Variants in SOX5 observed in about 807,000 individuals in gnomAD.
The protein encoded by SOX5 is SRY-box transcription factor 5, also known as transcription factor SOX-5.
SOX5 carries 9 observed loss-of-function variants against 92.0 expected under a neutral mutation model. The observed-to-expected ratio is 0.10, with a 90% CI of 0.06 to 0.17. The LOEUF is 0.17. Among genes scored for constraint, SOX5 ranks in the 10% least tolerant of loss-of-function variants. The pLI is 1.00. For synonymous variants in SOX5, 344 were observed against 336.3 expected (o/e 1.02, Z -0.25); for missense variants, 642 against 944.5 (o/e 0.68, Z 4.20).
chr12:24,352,368 CTCTT>C, intron 2 of SOX5, among the ~76,000 whole-genome samples: 1 of 152,098 alleles, frequency 6.6e-6, no homozygotes, highest in East Asian at 1.9e-4. Context: ...CCTCAAATGG[CTCTT>C]TCTAAAAAAA....
At chr12:23,600,303 T>C (rs1443681473) in intron 9 of SOX5, among the ~76,000 whole-genome samples, 3 of 151,864 alleles carry the variant, frequency 2.0e-5, no homozygotes, top group Non-Finnish European at 4.4e-5. Context: ...TAGAATAATA[T>C]CTGCGAAGAG....
At chr12:24,504,626 A>G (rs1381290743) in intron 1 of SOX5, among the ~76,000 whole-genome samples, 5 of 152,242 alleles carry the variant, frequency 3.3e-5, no homozygotes, top group Admixed American at 1.3e-4. Flanking sequence ...AAGTGCAAAA[A>G]TAGTAGAGAA....
At chr12:23,555,278 C>G (rs888361207) in intron 11 of SOX5, among the ~76,000 whole-genome samples, 1 of 151,990 alleles carries the variant, frequency 6.6e-6, no homozygotes, top group African/African-American at 2.4e-5. Flanking sequence ...CCTCGAATCC[C>G]TAAACAAATA....
rs371715383 is a variant in SOX5 at position 24,285,806 on chromosome 12, T to C, written c.-173-8494A>G. ...TCTTACAAAATTACATTTTGAAAAA[T>C]TATGGGATGATGAATCAAACATATA... On this transcript the variant is annotated intron_variant, in intron 2 of 4. Transcript: ENST00000446891. 7.2e-5 allele frequency among the ~76,000 whole-genome samples: 11 copies of C among 152,236 alleles called. No individual in the cohort carries two copies. The East Asian group carries it at 1.9e-3, about 27-fold the overall frequency.
chr12:24,455,491 C>G (rs1486326193), intron 1 of SOX5, among the ~76,000 whole-genome samples: 1 of 152,168 alleles, frequency 6.6e-6, no homozygotes, highest in Non-Finnish European at 1.5e-5. Flanking sequence ...TTAGAAACAG[C>G]ATAAAAAGTC....
chr12:23,575,870 A>G, intron 9 of SOX5, 32 bp from the exon 10 acceptor site: 1 of 1,492,410 alleles, frequency 6.7e-7, no homozygotes, highest in Non-Finnish European at 8.9e-7. Flanking sequence ...GAGCTGTGAT[A>G]AGGAAAGGCT....
At chr12:24,056,467 T>C (rs1218179640) in intron 4 of SOX5, among the ~76,000 whole-genome samples, 2 of 152,222 alleles carry the variant, frequency 1.3e-5, no homozygotes, top group African/African-American at 4.8e-5. Flanking sequence ...AAAATTAATA[T>C]TGGATTTTTA....
At chr12:24,093,905 T>C (rs1593092471) in intron 4 of SOX5, among the ~76,000 whole-genome samples, 1 of 152,136 alleles carries the variant, frequency 6.6e-6, no homozygotes, top group African/African-American at 2.4e-5. Context: ...CAGGCATTCA[T>C]TTTAGGCAAT....
intron 4 of SOX5, among the ~76,000 whole-genome samples, chr12:24,140,070 C>A (rs566477607): frequency 6.6e-6 from 1 of 152,048 alleles, no homozygotes; most frequent in Non-Finnish European, 1.5e-5. Flanking sequence ...GCAAATTCAC[C>A]CTGGTTGCGA....
At chr12:24,271,968 CACACACACACACAA>C (rs2140331141) in intron 3 of SOX5, among the ~76,000 whole-genome samples, 1 of 73,450 alleles carries the variant, frequency 1.4e-5, no homozygotes, top group East Asian at 6.4e-4. Context: ...TGTGACATTT[CACACACACACACAA>C]ACACACACAC....
intron 1 of SOX5, among the ~76,000 whole-genome samples, chr12:24,508,022 A>C (rs939358392): frequency 3.2e-4 from 48 of 152,112 alleles, no homozygotes; most frequent in African/African-American, 1.1e-3. Flanking sequence ...ATGTCATCGG[A>C]GTGCAGCCTG....
At chr12:23,871,647 A>AAAAT (rs751166300) in intron 2 of SOX5, among the ~76,000 whole-genome samples, 71 of 152,214 alleles carry the variant, frequency 4.7e-4, no homozygotes, top group Non-Finnish European at 9.6e-4. Flanking sequence ...TTTTTCCGTA[A>AAAAT]AAATAAATAA....
intron 1 of SOX5, among the ~76,000 whole-genome samples, chr12:24,408,780 A>G (rs1279321725): frequency 1.3e-5 from 2 of 152,286 alleles, no homozygotes; most frequent in East Asian, 1.9e-4. Flanking sequence ...ATTAATTCAC[A>G]CCGATTAATA....
At chr12:23,650,878 T>C (rs2081472935) in intron 7 of SOX5, among the ~76,000 whole-genome samples, 2 of 152,086 alleles carry the variant, frequency 1.3e-5, no homozygotes, top group African/African-American at 4.8e-5. Flanking sequence ...ATCAGTTTTG[T>C]GGCAAGGCAT....
intron 3 of SOX5, among the ~76,000 whole-genome samples, chr12:24,270,539 A>G (rs1233528588): frequency 6.6e-6 from 1 of 152,230 alleles, no homozygotes; most frequent in African/African-American, 2.4e-5. Context: ...ATCATGAGAT[A>G]TATGTACAGA....
intron 4 of SOX5, among the ~76,000 whole-genome samples, chr12:24,146,191 T>C (rs1951063680): frequency 1.3e-5 from 2 of 152,184 alleles, no homozygotes; most frequent in Admixed American, 6.5e-5. Context: ...TATATTTTTT[T>C]TCTCAGTCTG....
In SOX5 at chr12:24,048,953, C is replaced by A. The variant is rs529421537; in HGVS notation, c.-1-152929G>T. 1.1e-4 allele frequency among the ~76,000 whole-genome samples: 16 copies of A among 152,178 alleles called. No individual in the cohort carries two copies. The East Asian group carries it at 2.7e-3, about 26-fold the overall frequency. Reference sequence around the variant, plus strand: ...AGCTTTGATTGTGGTGATGTTTGCACCACTCCATGAATAATACTAAAAAAA... The same window carrying A: ...AGCTTTGATTGTGGTGATGTTTGCAACACTCCATGAATAATACTAAAAAAA... On this transcript the variant is annotated intron_variant, in intron 4 of 4. Coordinates refer to the SOX5 transcript ENST00000446891.
At chr12:24,170,025 A>AT (rs71445990) in intron 4 of SOX5, among the ~76,000 whole-genome samples, 8 of 145,332 alleles carry the variant, frequency 5.5e-5, no homozygotes, top group Admixed American at 1.4e-4. Flanking sequence ...AGGATAATGA[A>AT]TTTTTTTTCA....
intron 3 of SOX5, among the ~76,000 whole-genome samples, chr12:24,213,683 GA>G (rs1958909590): frequency 6.6e-6 from 1 of 151,184 alleles, no homozygotes; most frequent in Non-Finnish European, 1.5e-5. Context: ...GCTAATGAAT[GA>G]AAAATCAATG....
Sources: allele counts gnomAD v4.1 joint callset (sites outside exome capture counted in the v4.1 genomes callset), GRCh38; gene constraint gnomAD v4.1.1; transcripts MANE v1.5; gene names NCBI Gene and HGNC (gene_info 2026-07-23, HGNC 2026-07-21).